Variants in ABCB5 observed in about 807,000 individuals in gnomAD.
The protein encoded by ABCB5 is ATP-binding cassette sub-family B member 5.
ABCB5 carries 155 observed loss-of-function variants against 144.2 expected under a neutral mutation model. The ratio of observed to expected loss-of-function variants is 1.08; its 90% CI spans 0.94 to 1.23. ABCB5 has a LOEUF of 1.23. Ranked by LOEUF, ABCB5 falls within the 50% of genes most tolerant of loss-of-function variation. The pLI, the probability that ABCB5 is intolerant of heterozygous loss-of-function variation, is 0.00. For missense variants in ABCB5, 1,830 were observed against 1,520.8 expected (o/e 1.20, Z -3.38); for synonymous variants, 610 against 528.6 (o/e 1.15, Z -2.11).
Position 20,698,543 on chromosome 7 carries a change from T to A in ABCB5, c.2147T>A (p.Ile716Asn), listed in dbSNP as rs1786502581. ...GTATTTTCCATCATCTTTGCAAAAA[T>A]TATAACCGTAAGTAAAATAAATTTG... ...HPVFSIIFAK[I>N]ITMFGNNDKT... Residue 716 changes from isoleucine (I) to asparagine (N), a missense_variant, in exon 17 of 28, where the codon ATT (isoleucine) becomes AAT (asparagine). Transcript: ENST00000404938. 2 of 1,590,934 alleles carry A rather than the reference T, an allele frequency of 1.3e-6. No homozygotes were observed. Among genetic ancestry groups the A allele is most frequent in the African/African-American group, 1.4e-5 (1 of 73,384 alleles).
At chr7:20,687,575 T>C (rs1487398550) in intron 16 of ABCB5, among the ~76,000 whole-genome samples, 3 of 152,004 alleles carry the variant, frequency 2.0e-5, no homozygotes, top group Non-Finnish European at 4.4e-5. Context: ...TTTATAGAAA[T>C]CCGTGAGCCT....
At chr7:20,733,398 T>C (rs1193350504) in intron 23 of ABCB5, among the ~76,000 whole-genome samples, 1 of 152,122 alleles carries the variant, frequency 6.6e-6, no homozygotes. Flanking sequence ...ATATAAAATT[T>C]CTTCCCTGAG....
intron 14 of ABCB5, among the ~76,000 whole-genome samples, chr7:20,662,807 GA>G (rs1785044539): frequency 1.3e-5 from 2 of 151,696 alleles, no homozygotes; most frequent in East Asian, 3.9e-4. Flanking sequence ...GCCCCTTTGA[GA>G]ATCTGATTGA....
At chr7:20,698,323 T>C (rs1786493557) in intron 16 of ABCB5, 84 bp from the exon 17 acceptor site, 2 of 1,243,308 alleles carry the variant, frequency 1.6e-6, no homozygotes, top group South Asian at 1.8e-5. Flanking sequence ...TTATACATTA[T>C]AATTCTGTTT....
intron 23 of ABCB5, among the ~76,000 whole-genome samples, chr7:20,736,269 G>C (rs953270290): frequency 6.6e-6 from 1 of 152,128 alleles, no homozygotes; most frequent in African/African-American, 2.4e-5. Flanking sequence ...CCAGGCTGGA[G>C]TGCAGTGACG....
intron 16 of ABCB5, among the ~76,000 whole-genome samples, chr7:20,697,238 C>A (rs749027994): frequency 6.6e-6 from 1 of 152,096 alleles, no homozygotes; most frequent in African/African-American, 2.4e-5. Flanking sequence ...ACTTTAAAGG[C>A]ATCAGAATTT....
At chr7:20,679,442 G>C (rs947334099) in intron 14 of ABCB5, among the ~76,000 whole-genome samples, 1 of 94,364 alleles carries the variant, frequency 1.1e-5, no homozygotes, top group Non-Finnish European at 1.9e-5. Context: ...TTGCACTCCC[G>C]CCTGGGCAAC....
intron 20 of ABCB5, among the ~76,000 whole-genome samples, chr7:20,713,224 T>A (rs1285721197): frequency 6.7e-6 from 1 of 148,928 alleles, no homozygotes; most frequent in Non-Finnish European, 1.5e-5. Flanking sequence ...TTTGCCACTT[T>A]GCATGCCTGG....
chr7:20,739,069 C>T lies in ABCB5; in HGVS notation c.2954C>T (p.Ala985Val). The T allele has an allele frequency of 2.5e-6, 4 of 1,611,960 alleles. No individual in the cohort carries two copies. The highest frequency in any genetic ancestry group is 2.5e-6 in the Non-Finnish European group (3 of 1,179,118). The change falls in exon 24 of 28, where the codon GCT (alanine) becomes GTT (valine). Residue 985 changes from alanine (A) to valine (V), a missense_variant. Ala to Val is a moderately conservative substitution (Grantham distance 64). Transcript: ENST00000404938. Reference protein sequence around the residue: ...APEYSKAKSGAAHLFALLEKK... With the variant: ...APEYSKAKSGVAHLFALLEKK... ...GAATATTCCAAAGCCAAATCGGGGG[C>T]TGCGCATCTGTTTGCCTTGTTGGAA...
At position 20,739,074 on chromosome 7, in the gene ABCB5, C is replaced by T; in HGVS notation, c.2959C>T (p.His987Tyr). Reference sequence around the variant, plus strand: ...TTCCAAAGCCAAATCGGGGGCTGCGCATCTGTTTGCCTTGTTGGAAAAGAA... The same window carrying T: ...TTCCAAAGCCAAATCGGGGGCTGCGTATCTGTTTGCCTTGTTGGAAAAGAA... Reference protein sequence around the residue: ...EYSKAKSGAAHLFALLEKKPN... With the variant: ...EYSKAKSGAAYLFALLEKKPN... Residue 987 changes from histidine (H) to tyrosine (Y), a missense_variant, in exon 24 of 28, where the codon CAT (histidine) becomes TAT (tyrosine). His to Tyr is a moderately conservative substitution (Grantham distance 83). Transcript: ENST00000404938. The T allele has an allele frequency of 1.2e-6, 2 of 1,611,504 alleles. No homozygotes were observed. The highest frequency in any genetic ancestry group is 1.7e-6 in the Non-Finnish European group (2 of 1,178,954).
chr7:20,651,548 T>A lies in ABCB5; in HGVS notation c.1461T>A (p.Asp487Glu). The part of the protein sequence containing the change: ...TISNNIKYGR[D>E]DVTDEEMERA... ...GTAACAATATCAAGTATGGACGAGA[T>A]GATGTGACTGATGAAGAGATGGAGA... The change falls in exon 13 of 28, where the codon GAT (aspartate) becomes GAA (glutamate). Residue 487 changes from aspartate to glutamate, a missense_variant. Physicochemically the swap from Asp to Glu is conservative, Grantham distance 45. Coordinates refer to ENST00000404938, the MANE Select transcript of ABCB5 (RefSeq NM_001163941.2). The A allele has an allele frequency of 1.2e-6, 2 of 1,614,040 alleles. No homozygotes were observed. Among genetic ancestry groups the A allele is most frequent in the Non-Finnish European group, 1.7e-6 (2 of 1,179,992 alleles).
intron 11 of ABCB5, among the ~76,000 whole-genome samples, chr7:20,649,556 A>G (rs967013582): frequency 4.6e-5 from 7 of 151,890 alleles, no homozygotes; most frequent in African/African-American, 1.7e-4. Flanking sequence ...CTAATGATAA[A>G]CTCTCATCTA....
At chr7:20,672,599 A>G (rs947472009) in intron 14 of ABCB5, among the ~76,000 whole-genome samples, 1 of 152,114 alleles carries the variant, frequency 6.6e-6, no homozygotes, top group Non-Finnish European at 1.5e-5. Flanking sequence ...AGAAAGAAAT[A>G]TTTGCCAAAT....
intron 20 of ABCB5, among the ~76,000 whole-genome samples, chr7:20,721,396 A>G (rs910622248): frequency 6.6e-6 from 1 of 152,192 alleles, no homozygotes; most frequent in African/African-American, 2.4e-5. Flanking sequence ...AAGTTGGTAA[A>G]GGTAAAGAGG....
rs1460584610 is a variant in ABCB5, at chr7:20,623,326, A to G, written c.41A>G (p.Tyr14Cys). The G allele has an allele frequency of 1.3e-6, 2 of 1,549,598 alleles. No homozygotes were observed. The highest frequency in any genetic ancestry group is 1.7e-6 in the Non-Finnish European group (2 of 1,144,428). ...SERAEEMQEN[Y>C]QRNGTAEEQP... ...AGAGCTGAAGAAATGCAAGAAAATTATCAGAGAAATGGGTAAGCTCTCACT... is the reference window on the plus strand; with the variant it reads ...AGAGCTGAAGAAATGCAAGAAAATTGTCAGAGAAATGGGTAAGCTCTCACT... Residue 14 changes from tyrosine (Y) to cysteine (C), a missense_variant, in exon 2 of 28, where the codon TAT (tyrosine) becomes TGT (cysteine). Coordinates refer to ENST00000404938, the MANE Select transcript of ABCB5 (RefSeq NM_001163941.2).
intron 23 of ABCB5, among the ~76,000 whole-genome samples, chr7:20,728,950 T>G (rs1488260766): frequency 6.6e-6 from 1 of 152,224 alleles, no homozygotes; most frequent in Non-Finnish European, 1.5e-5. Flanking sequence ...TATTGATATA[T>G]AATAGTTACA....
At chr7:20,683,630 A>G (rs2128039648) in intron 15 of ABCB5, among the ~76,000 whole-genome samples, 1 of 152,324 alleles carries the variant, frequency 6.6e-6, no homozygotes, top group East Asian at 1.9e-4. Flanking sequence ...TAAAAATTTT[A>G]AACACCTTAT....
chr7:20,754,742 A>C (rs1216760854), intron 27 of ABCB5, among the ~76,000 whole-genome samples: 2 of 152,334 alleles, frequency 1.3e-5, no homozygotes, highest in East Asian at 3.9e-4. Context: ...TGAGTTTAGA[A>C]CTACTCAAAG....
Position 20,681,047 on chromosome 7 carries a change from T to C in ABCB5, c.1708-458T>C, listed in dbSNP as rs1244485576. ...CTTTCTTTCTTTCTCTTTCTTTCTT[T>C]CTCTCTCTCTCTCTTTCTTTCTTTC... is the stretch of plus-strand genomic sequence containing the variant. On this transcript the variant is annotated intron_variant, in intron 14 of 27. Transcript: ENST00000404938. 5.1e-3 allele frequency among the ~76,000 whole-genome samples: 73 copies of C among 14,414 alleles called. 8 individuals carry two copies. The highest frequency in any genetic ancestry group is 0.014 in the African/African-American group (69 of 4,834). The allele number at this position is 14,414 out of a possible 152,430, so 9.5% of individuals were successfully genotyped here.
Sources: allele counts gnomAD v4.1 joint callset (sites outside exome capture counted in the v4.1 genomes callset), GRCh38; gene constraint gnomAD v4.1.1; transcripts MANE v1.5; gene names NCBI Gene and HGNC (gene_info 2026-07-23, HGNC 2026-07-21).